The following KMT2C variants were observed in gnomAD, a reference collection of about 807,000 sequenced individuals.
KMT2C encodes lysine methyltransferase 2C.
KMT2C carries 88 observed loss-of-function variants against 507.9 expected under a neutral mutation model. The ratio of observed to expected loss-of-function variants is 0.17; its 90% CI spans 0.15 to 0.21. The LOEUF (loss-of-function observed/expected upper bound fraction) is 0.21, where lower values mean the gene tolerates loss of function less well. Ranked by LOEUF, KMT2C falls within the 10% of genes least tolerant of loss-of-function variation. The pLI is 1.00. For synonymous variants in KMT2C, 2,049 were observed against 2,080.8 expected (o/e 0.98, Z 0.42); for missense variants, 4,954 against 5,957.8 (o/e 0.83, Z 5.55).
intron 9 of KMT2C, among the ~76,000 whole-genome samples, chr7:152,261,645 A>C (rs2095780548): frequency 6.6e-6 from 1 of 152,234 alleles, no homozygotes; most frequent in Non-Finnish European, 1.5e-5. Context: ...CAAATACAAT[A>C]AATTTGGCTT....
chr7:152,402,073 G>A (rs2097578250), intron 1 of KMT2C, among the ~76,000 whole-genome samples: 1 of 151,040 alleles, frequency 6.6e-6, no homozygotes, highest in South Asian at 2.1e-4. Context: ...TCGCGCCATT[G>A]CACTCCAGCC....
intron 1 of KMT2C, among the ~76,000 whole-genome samples, chr7:152,386,065 T>C (rs2360210): frequency 0.29 from 43,748 of 150,544 alleles, 8,459 homozygotes; most frequent in African/African-American, 0.55. Flanking sequence ...CCAGCCCGAG[T>C]GACAGAATGA....
chr7:152,306,931 G>T (rs979960930), intron 6 of KMT2C, among the ~76,000 whole-genome samples: 1 of 152,170 alleles, frequency 6.6e-6, no homozygotes, highest in African/African-American at 2.4e-5. Context: ...GGATGAGGTG[G>T]GAGTATCGCT....
intron 53 of KMT2C, 44 bp from the exon 54 acceptor site, chr7:152,145,339 A>G: frequency 6.3e-7 from 1 of 1,595,540 alleles, no homozygotes; most frequent in Non-Finnish European, 8.6e-7. Flanking sequence ...CATCTGATGG[A>G]GACTACAGAC....
chr7:152,138,458 G>A lies in KMT2C; in HGVS notation c.14643+338C>T, dbSNP rs990775588. On this transcript the variant is annotated intron_variant, in intron 58 of 58. Coordinates refer to ENST00000262189, the MANE Select transcript of KMT2C (RefSeq NM_170606.3). This position sits in a 1 kb window ranked among gnomAD's most constrained non-coding sequence, Gnocchi z 4.2. Reference sequence around the variant, plus strand: ...GAGAAGGACGGGGATGCTCTTCAGAGGGGACACTGCCAAACTGTGTCCAGG... The same window carrying A: ...GAGAAGGACGGGGATGCTCTTCAGAAGGGACACTGCCAAACTGTGTCCAGG... 1.5e-5 allele frequency: 3 copies of A among 195,892 alleles called. No individual in the cohort carries two copies. Among genetic ancestry groups the A allele is most frequent in the Admixed American group, 5.3e-5 (1 of 18,948 alleles). 12.1% of individuals were successfully genotyped at this position (195,892 alleles called of 1,614,324 possible).
chr7:152,284,690 T>C lies in KMT2C; in HGVS notation c.850-10823A>G, dbSNP rs560295916. 2.4e-4 allele frequency among the ~76,000 whole-genome samples: 36 copies of C among 152,048 alleles called. 1 individual carries two copies. The highest frequency in any genetic ancestry group is 1.2e-3 in the Admixed American group (18 of 15,270). On this transcript the variant is annotated intron_variant, in intron 6 of 58. Transcript: ENST00000262189. ...CCAAAACTGACTTCTGTGAATAATA[T>C]ATAAAAAAACTCTTACAACTCAAGA...
chr7:152,353,763 G>T (rs1454687420), intron 2 of KMT2C, among the ~76,000 whole-genome samples: 2 of 152,116 alleles, frequency 1.3e-5, no homozygotes, highest in African/African-American at 4.8e-5. Flanking sequence ...CCTCCCAAAG[G>T]TCTAGGGTTA....
intron 2 of KMT2C, 91 bp from the exon 3 acceptor site, chr7:152,330,830 G>T: frequency 8.3e-7 from 1 of 1,201,628 alleles, no homozygotes; most frequent in Non-Finnish European, 1.2e-6. Context: ...AGGTCATAAT[G>T]TAAAAAGAAA....
chr7:152,391,759 C>T (rs1305160060), intron 1 of KMT2C, among the ~76,000 whole-genome samples: 1 of 152,062 alleles, frequency 6.6e-6, no homozygotes, highest in Non-Finnish European at 1.5e-5. Context: ...CTGGTCTCGG[C>T]CTCAGCCTCC....
chr7:152,325,891 C>G (rs908710231), intron 3 of KMT2C, among the ~76,000 whole-genome samples: 1 of 151,300 alleles, frequency 6.6e-6, no homozygotes, highest in African/African-American at 2.4e-5. Flanking sequence ...CTGGAGTAGA[C>G]ATGAATAAAT....
intron 55 of KMT2C, among the ~76,000 whole-genome samples, chr7:152,142,512 G>C (rs909216527): frequency 7.2e-5 from 11 of 152,324 alleles, no homozygotes; most frequent in African/African-American, 2.6e-4. Flanking sequence ...TGCAGTAAGA[G>C]ACTTTTTAGA....
At chr7:152,426,797 C>CA (rs2097823363) in intron 1 of KMT2C, among the ~76,000 whole-genome samples, 1 of 152,080 alleles carries the variant, frequency 6.6e-6, no homozygotes, top group South Asian at 2.1e-4. Context: ...AACCATAGCA[C>CA]AAAAAATTTA....
chr7:152,373,240 ATTAT>A (rs2097305009), intron 1 of KMT2C, among the ~76,000 whole-genome samples: 1 of 152,080 alleles, frequency 6.6e-6, no homozygotes, highest in Admixed American at 6.5e-5. Context: ...TCAAAAAAAT[ATTAT>A]TTGTTTATTA....
intron 1 of KMT2C, among the ~76,000 whole-genome samples, chr7:152,371,604 A>T (rs1380852433): frequency 1.3e-5 from 2 of 150,108 alleles, no homozygotes; most frequent in Non-Finnish European, 2.9e-5. Flanking sequence ...TTTTTTTTTT[A>T]ATTTTTTCAT....
chr7:152,254,651 C>G (rs895699485), intron 9 of KMT2C, among the ~76,000 whole-genome samples: 1 of 152,098 alleles, frequency 6.6e-6, no homozygotes, highest in African/African-American at 2.4e-5. Context: ...GAGAGGCATT[C>G]CCACTAAGGA....
intron 6 of KMT2C, among the ~76,000 whole-genome samples, chr7:152,300,645 T>TCCC (rs2096557762): frequency 6.6e-6 from 1 of 152,196 alleles, no homozygotes; most frequent in Admixed American, 6.5e-5. Context: ...ATCTTAGCCA[T>TCCC]TACAACCCTA....
At chr7:152,202,533 C>T (rs964542773) in intron 26 of KMT2C, among the ~76,000 whole-genome samples, 2 of 152,168 alleles carry the variant, frequency 1.3e-5, no homozygotes, top group African/African-American at 4.8e-5. Context: ...AAAGCTATAA[C>T]TTTGGCTGAA....
chr7:152,336,532 G>A (rs2096937477), intron 2 of KMT2C, among the ~76,000 whole-genome samples: 1 of 152,118 alleles, frequency 6.6e-6, no homozygotes. Context: ...CCTGATGCCA[G>A]TACTTAATTA....
Position 152,174,005 on chromosome 7 carries a change from C to T in KMT2C, c.9374+126G>A, listed in dbSNP as rs2093081060. 1.3e-5 allele frequency: 7 copies of T among 528,014 alleles called. No homozygotes were observed. In the South Asian group the frequency reaches 1.9e-4, roughly 14 times the overall value. 32.7% of individuals were successfully genotyped at this position (528,014 alleles called of 1,614,324 possible). A position where few individuals can be genotyped will look rare whatever the true frequency, so the allele number is the denominator to read the frequency against. On this transcript the variant is annotated intron_variant, in intron 39 of 58. Transcript: ENST00000262189. ...TGATCATATCGAGCTGATGCCATGA[C>T]AACTTAAATAGTGTTGTTCATTCCT...
Sources: allele counts gnomAD v4.1 joint callset (sites outside exome capture counted in the v4.1 genomes callset), GRCh38; gene constraint gnomAD v4.1.1; non-coding constraint Gnocchi (gnomAD v3.1); transcripts MANE v1.5; gene names NCBI Gene and HGNC (gene_info 2026-07-23, HGNC 2026-07-21).